TRPC7: variants seen among roughly 807,000 people sequenced by gnomAD.
TRPC7 encodes short transient receptor potential channel 7.
Under a neutral mutation model 90.1 loss-of-function variants are expected in TRPC7, and 42 were observed. That is an observed-to-expected ratio of 0.47 (90% CI 0.36 to 0.60). TRPC7 has a LOEUF of 0.60. Among genes scored for constraint, TRPC7 ranks in the 20% least tolerant of loss-of-function variants. The probability of loss-of-function intolerance (pLI) is 0.00; values close to 1 mark genes in which losing one functional copy is unlikely to be tolerated. For synonymous variants in TRPC7, 451 were observed against 436.3 expected, an observed-to-expected ratio of 1.03 and a Z score of -0.42; for missense variants, 955 against 1,112.3, an observed-to-expected ratio of 0.86 and a Z score of 2.01.
chr5:136,302,392 T>C (rs1758431936), intron 3 of TRPC7, among the ~76,000 whole-genome samples: 1 of 152,172 alleles, frequency 6.6e-6, no homozygotes, highest in Non-Finnish European at 1.5e-5. Flanking sequence ...CAACCCCTTC[T>C]TCACCCTTAG....
intron 7 of TRPC7, among the ~76,000 whole-genome samples, chr5:136,241,504 A>G (rs557327668): frequency 1.3e-5 from 2 of 151,696 alleles, no homozygotes; most frequent in East Asian, 3.9e-4. Context: ...TTCTCTGTGT[A>G]GCTGTCCCAT....
chr5:136,357,058 C>A lies in TRPC7; in HGVS notation c.330G>T (p.Leu110=). Residue 110 remains leucine, a synonymous_variant, in exon 2 of 12, where the codon CTG becomes CTT. Transcript: ENST00000513104. The stretch of plus-strand genomic sequence containing the variant: ...CATAGCCCTTGCTGATGGCCAGCAG[C>A]AGCGCGTCCCCCACCCGTGCCAGGT... ...KENLARVGDA[L]LLAISKGYVR... 6.2e-7 allele frequency: 1 copy of A among 1,613,734 alleles called. No individual in the cohort carries two copies. Among genetic ancestry groups the A allele is most frequent in the Non-Finnish European group, 8.5e-7 (1 of 1,179,926 alleles).
At chr5:136,283,152 A>C (rs1330539507) in intron 3 of TRPC7, among the ~76,000 whole-genome samples, 1 of 152,210 alleles carries the variant, frequency 6.6e-6, no homozygotes, top group Non-Finnish European at 1.5e-5. Context: ...CTGTGTCCTC[A>C]GGGGCGAACT....
At chr5:136,217,903 G>T in intron 10 of TRPC7, among the ~76,000 whole-genome samples, 1 of 151,094 alleles carries the variant, frequency 6.6e-6, no homozygotes, top group Non-Finnish European at 1.5e-5. Context: ...TGTAATCCCA[G>T]CTACTCGTGA....
intron 2 of TRPC7, among the ~76,000 whole-genome samples, chr5:136,350,578 T>G (rs1025781615): frequency 3.3e-5 from 5 of 152,222 alleles, no homozygotes; most frequent in Admixed American, 3.3e-4. Context: ...GGGAAAAGCA[T>G]TCCCCTAGAC....
At chr5:136,277,288 C>T (rs1404352721) in intron 3 of TRPC7, among the ~76,000 whole-genome samples, 1 of 152,230 alleles carries the variant, frequency 6.6e-6, no homozygotes, top group Non-Finnish European at 1.5e-5. Context: ...CTCTGTCTTC[C>T]TCTGATTGGA....
At chr5:136,317,277 C>A (rs923034990) in intron 2 of TRPC7, among the ~76,000 whole-genome samples, 1 of 152,034 alleles carries the variant, frequency 6.6e-6, no homozygotes, top group African/African-American at 2.4e-5. Context: ...CCATGCTCTA[C>A]ACTCCTCCAA....
chr5:136,318,063 C>A (rs7708016), intron 2 of TRPC7, among the ~76,000 whole-genome samples: 145 of 152,272 alleles, frequency 9.5e-4, no homozygotes, highest in African/African-American at 3.4e-3. Context: ...CTGCTGTCTG[C>A]AGTTGGCTAG....
At chr5:136,352,426 A>C (rs934217846) in intron 2 of TRPC7, among the ~76,000 whole-genome samples, 1 of 152,170 alleles carries the variant, frequency 6.6e-6, no homozygotes, top group African/African-American at 2.4e-5. Context: ...GAAGCAAATA[A>C]AGGAGACTAG....
At chr5:136,222,654 G>A (rs990811157) in intron 10 of TRPC7, among the ~76,000 whole-genome samples, 2 of 152,208 alleles carry the variant, frequency 1.3e-5, no homozygotes, top group African/African-American at 4.8e-5. Flanking sequence ...TGTGTGCTTG[G>A]AAGGCTCAAA....
chr5:136,315,474 G>A (rs1334648903), intron 3 of TRPC7, 123 bp downstream of exon 3: 1 of 1,054,394 alleles, frequency 9.5e-7, no homozygotes, highest in Non-Finnish European at 1.4e-6. Flanking sequence ...CCTGTCTAAA[G>A]AGAATCTGGG....
chr5:136,305,855 G>A (rs532343250), intron 3 of TRPC7, among the ~76,000 whole-genome samples: 1 of 152,220 alleles, frequency 6.6e-6, no homozygotes, highest in East Asian at 1.9e-4. Flanking sequence ...ACCTCACCAA[G>A]CACAGCCACC....
At chr5:136,319,722 A>G (rs1185791787) in intron 2 of TRPC7, among the ~76,000 whole-genome samples, 1 of 131,212 alleles carries the variant, frequency 7.6e-6, no homozygotes, top group East Asian at 2.2e-4. Flanking sequence ...TACATGACCT[A>G]CCAAGTGCTT....
chr5:136,217,795 T>C (rs1453817986), intron 10 of TRPC7, among the ~76,000 whole-genome samples: 1 of 152,016 alleles, frequency 6.6e-6, no homozygotes, highest in African/African-American at 2.4e-5. Flanking sequence ...GGTGGGTGGA[T>C]AACCTGAGGT....
In TRPC7 at chr5:136,357,052, C is replaced by G; in HGVS notation, c.336G>C (p.Leu112=). 1.2e-6 allele frequency: 2 copies of G among 1,613,650 alleles called. No individual in the cohort carries two copies. The highest frequency in any genetic ancestry group is 1.7e-6 in the Non-Finnish European group (2 of 1,179,902). Residue 112 remains leucine (L), a synonymous_variant, in exon 2 of 12, where the codon CTG becomes CTC. Coordinates refer to ENST00000513104, the MANE Select transcript of TRPC7 (RefSeq NM_020389.3). ...TGCGCACATAGCCCTTGCTGATGGCCAGCAGCAGCGCGTCCCCCACCCGTG... is the reference window on the plus strand; with the variant it reads ...TGCGCACATAGCCCTTGCTGATGGCGAGCAGCAGCGCGTCCCCCACCCGTG... ...NLARVGDALL[L]AISKGYVRIV...
At chr5:136,341,581 G>A (rs961222434) in intron 2 of TRPC7, among the ~76,000 whole-genome samples, 2 of 152,226 alleles carry the variant, frequency 1.3e-5, no homozygotes, top group Middle Eastern at 3.4e-3. Context: ...CAAAGAGAGG[G>A]TTAAGGAAGA....
At chr5:136,313,109 G>A (rs890882462) in intron 3 of TRPC7, among the ~76,000 whole-genome samples, 9 of 151,490 alleles carry the variant, frequency 5.9e-5, no homozygotes, top group African/African-American at 1.2e-4. Flanking sequence ...AAGCCACTGC[G>A]TGATGCATAT....
At position 136,279,902 on chromosome 5, in the gene TRPC7, T is replaced by C. The variant is rs555780581; in HGVS notation, c.964-5065A>G. Among the ~76,000 whole-genome samples the C allele has an allele frequency of 2.8e-4, 43 of 152,216 alleles. 1 individual carries two copies. In the South Asian group the frequency reaches 8.5e-3, roughly 30 times the overall value. On this transcript the variant is annotated intron_variant, in intron 3 of 11. Transcript: ENST00000513104. ...ACCTCAGCAGCCTTCAAGACCCAAC[T>C]TCCCCTTTGGGAGGCCAAGGTGGGT...
At position 136,341,474 on chromosome 5, in the gene TRPC7, T is replaced by TACAC. The variant is rs72512515; in HGVS notation, c.780+15130_780+15133dup. Reference sequence around the variant, plus strand: ...ACATACACATACATATACATATATATACACACACACACACACACCTATGTA... The same window carrying TACAC: ...ACATACACATACATATACATATATATACACACACACACACACACACACCTATGTA... On this transcript the variant is annotated intron_variant, in intron 2 of 11. Coordinates refer to ENST00000513104, the MANE Select transcript of TRPC7 (RefSeq NM_020389.3). 5.1e-3 allele frequency among the ~76,000 whole-genome samples: 771 copies of TACAC among 150,974 alleles called. 5 individuals are homozygous for TACAC. Among genetic ancestry groups the TACAC allele is most frequent in the African/African-American group, 0.014 (590 of 41,020 alleles).
Sources: gnomAD v4.1 joint callset for allele counts (sites outside exome capture counted in the v4.1 genomes callset) on GRCh38, gnomAD v4.1.1 for gene constraint, MANE v1.5 for transcripts, NCBI Gene and HGNC (gene_info 2026-07-23, HGNC 2026-07-21) for gene names.